The following EPCAM variants were observed in gnomAD, a reference collection of about 807,000 sequenced individuals.
EPCAM encodes the protein adenocarcinoma-associated antigen.
EPCAM carries 39 observed loss-of-function variants against 40.0 expected under a neutral mutation model. The ratio of observed to expected loss-of-function variants is 0.98; its 90% CI spans 0.76 to 1.27. EPCAM has a LOEUF of 1.27. Among genes scored for constraint, EPCAM ranks in the 50% most tolerant of loss-of-function variants. EPCAM has a pLI of 0.00. For missense variants in EPCAM, 503 were observed against 381.2 expected, an observed-to-expected ratio of 1.32 and a Z score of -2.66; for synonymous variants, 168 against 132.3, an observed-to-expected ratio of 1.27 and a Z score of -1.85.
Position 47,379,853 on chromosome 2 carries a change from T to G in EPCAM, c.742T>G (p.Leu248Val). ...ACTGGATCTGGATCCTGGTCAAACT[T>G]TAATTTATTATGTTGATGAAAAAGC... ...EQLDLDPGQTLIYYVDEKAPE... is the reference protein window; with the variant it reads ...EQLDLDPGQTVIYYVDEKAPE... Residue 248 changes from leucine (L) to valine (V), a missense_variant, in exon 7 of 9, where the codon TTA (leucine) becomes GTA (valine). Physicochemically the swap from Leu to Val is conservative, Grantham distance 32. Transcript: ENST00000263735. The G allele has an allele frequency of 6.2e-7, 1 of 1,614,122 alleles. No homozygotes were observed. Among genetic ancestry groups the G allele is most frequent in the Non-Finnish European group, 8.5e-7 (1 of 1,180,034 alleles).
intron 1 of EPCAM, among the ~76,000 whole-genome samples, chr2:47,370,102 C>T (rs776072306): frequency 6.6e-6 from 1 of 152,188 alleles, no homozygotes; most frequent in Non-Finnish European, 1.5e-5. Context: ...GCAGGCGGCC[C>T]GGACCACACA....
At chr2:47,374,992 T>G (rs942557504) in intron 3 of EPCAM, among the ~76,000 whole-genome samples, 17 of 152,180 alleles carry the variant, frequency 1.1e-4, no homozygotes, top group African/African-American at 4.1e-4. Flanking sequence ...CCAGCTAAAC[T>G]TTGACTTAAT....
chr2:47,372,848 T>G (rs17036547), intron 1 of EPCAM, among the ~76,000 whole-genome samples: 2,111 of 152,036 alleles, frequency 0.014, 51 homozygotes, highest in African/African-American at 0.048. Flanking sequence ...GAGCTAAGAC[T>G]GGGAGTTTCA....
chr2:47,371,788 C>G (rs17036541), intron 1 of EPCAM, among the ~76,000 whole-genome samples: 2,105 of 152,078 alleles, frequency 0.014, 49 homozygotes, highest in African/African-American at 0.048. Flanking sequence ...CTTTTGTGAC[C>G]CCAGTATTGA....
intron 1 of EPCAM, among the ~76,000 whole-genome samples, chr2:47,373,205 TAAAAAAAAAAAAA>T (rs777057814): frequency 2.1e-3 from 139 of 65,058 alleles, no homozygotes; most frequent in African/African-American, 5.9e-3. Context: ...ACCCTATCTT[TAAAAAAAAAAAAA>T]AAAAAAAAAA....
Position 47,369,445 on chromosome 2 carries a change from C to A in EPCAM, c.-61C>A, listed in dbSNP as rs2103737633. 2 of 1,354,998 alleles carry A rather than the reference C, an allele frequency of 1.5e-6. No individual in the cohort carries two copies. The highest frequency in any genetic ancestry group is 1.9e-6 in the Non-Finnish European group (2 of 1,047,656). 83.9% of individuals were successfully genotyped at this position (1,354,998 alleles called of 1,614,324 possible). On this transcript the variant is annotated 5_prime_UTR_variant, in exon 1 of 9. Coordinates refer to ENST00000263735, the MANE Select transcript of EPCAM (RefSeq NM_002354.3). ...CCGGCTCCTCGTGTCCCACTCCCGG[C>A]GCACGCCCTCCCGCGAGTCCCGGGC... is the stretch of plus-strand genomic sequence containing the variant.
rs796788892 is a variant in EPCAM, at chr2:47,376,020, T to C, written c.491+721T>C. 2.3e-4 allele frequency among the ~76,000 whole-genome samples: 35 copies of C among 152,170 alleles called. 1 individual carries two copies. Among genetic ancestry groups the C allele is most frequent in the African/African-American group, 8.2e-4 (34 of 41,534 alleles). Reference sequence around the variant, plus strand: ...CGCCCGGCCAGGAAATTTAACGTTATATCACGTTGTGCCCATTTTCCCAAT... The same window carrying C: ...CGCCCGGCCAGGAAATTTAACGTTACATCACGTTGTGCCCATTTTCCCAAT... On this transcript the variant is annotated intron_variant, in intron 4 of 8. Coordinates refer to ENST00000263735, the MANE Select transcript of EPCAM (RefSeq NM_002354.3).
intron 1 of EPCAM, among the ~76,000 whole-genome samples, chr2:47,371,293 G>A (rs946378018): frequency 2.0e-5 from 3 of 151,988 alleles, no homozygotes; most frequent in Non-Finnish European, 4.4e-5. Flanking sequence ...CAGTGTCTCC[G>A]TCTGTCGTTC....
chr2:47,384,379 CA>C (rs1671679590), intron 7 of EPCAM, among the ~76,000 whole-genome samples: 1 of 151,310 alleles, frequency 6.6e-6, no homozygotes, highest in African/African-American at 2.4e-5. Flanking sequence ...GGTAAGATTA[CA>C]GGCATGAGCC....
At chr2:47,386,228 C>T (rs1042320470) in intron 8 of EPCAM, among the ~76,000 whole-genome samples, 7 of 152,042 alleles carry the variant, frequency 4.6e-5, no homozygotes, top group Non-Finnish European at 8.8e-5. Flanking sequence ...ACTTGAGTTT[C>T]CCCACATGTA....
At chr2:47,381,121 G>T (rs1438810196) in intron 7 of EPCAM, among the ~76,000 whole-genome samples, 1 of 139,778 alleles carries the variant, frequency 7.2e-6, no homozygotes, top group Non-Finnish European at 1.5e-5. Context: ...AAAAGGCCAG[G>T]CACAGTGGCT....
intron 5 of EPCAM, 82 bp from the exon 6 acceptor site, chr2:47,378,871 A>G: frequency 1.3e-6 from 1 of 742,774 alleles, no homozygotes. Context: ...AACACTGAAT[A>G]TTCTGATTCT....
chr2:47,379,058 A>C lies in EPCAM; in HGVS notation c.657+4A>C. Reference sequence around the variant, plus strand: ...GGCTTATTATTTTGAAAAAGATGTGAGTATCATCTTCTTTATTCCTGTGTT... The same window carrying C: ...GGCTTATTATTTTGAAAAAGATGTGCGTATCATCTTCTTTATTCCTGTGTT... On this transcript the variant is annotated splice_donor_region_variant and intron_variant, in intron 6 of 8. Transcript: ENST00000263735. 1 of 1,435,352 alleles carries C rather than the reference A, an allele frequency of 7.0e-7. No homozygotes were observed. Among genetic ancestry groups the C allele is most frequent in the Non-Finnish European group, 9.8e-7 (1 of 1,017,088 alleles). The allele number at this position is 1,435,352 out of a possible 1,614,324, so 88.9% of individuals were successfully genotyped here.
chr2:47,380,434 T>C (rs1403873379), intron 7 of EPCAM, among the ~76,000 whole-genome samples: 1 of 152,256 alleles, frequency 6.6e-6, no homozygotes, highest in Non-Finnish European at 1.5e-5. Context: ...GTATCTCTGG[T>C]CTCTTTTTAC....
chr2:47,378,925 A>G, intron 5 of EPCAM, 28 bp from the exon 6 acceptor site: 1 of 933,352 alleles, frequency 1.1e-6, no homozygotes, highest in Non-Finnish European at 1.8e-6. Context: ...ATTAGTATTA[A>G]TTTGTATTAT....
At position 47,369,513 on chromosome 2, in the gene EPCAM, C is replaced by T. The variant is rs1368213809; in HGVS notation, c.8C>T (p.Pro3Leu). Residue 3 changes from proline to leucine, a missense_variant, in exon 1 of 9, where the codon CCC becomes CTC. By Grantham distance (98) the Pro-to-Leu change is moderately conservative. Transcript: ENST00000263735. MA[P>L]PQVLAFGLLL... is the part of the protein sequence containing the mutation. ...TCTCGGCGCGCGCGCAGCATGGCGC[C>T]CCCGCAGGTCCTCGCGTTCGGGCTT... 1 of 1,558,152 alleles carries T rather than the reference C, an allele frequency of 6.4e-7. No homozygotes were observed. The highest frequency in any genetic ancestry group is 8.6e-7 in the Non-Finnish European group (1 of 1,158,282).
rs191194897 is a variant in EPCAM at position 47,380,005 on chromosome 2, A to G, written c.858+36A>G. The G allele has an allele frequency of 2.1e-5, 33 of 1,573,756 alleles. No individual in the cohort carries two copies. In the East Asian group the frequency reaches 7.6e-4, roughly 36 times the overall value. ...AACAAGTAAAATTTCATTTAAGGGT[A>G]TATTTTTTCAAGAAAAAGTAATAGT... is the stretch of plus-strand genomic sequence containing the variant. On this transcript the variant is annotated intron_variant, in intron 7 of 8. Transcript: ENST00000263735.
rs768335421 is a variant in EPCAM, at chr2:47,373,499, G to A, written c.113G>A (p.Cys38Tyr). Reference sequence around the variant, plus strand: ...GAAAACTACAAGCTGGCCGTAAACTGCTTTGTGAATAATAATCGTCAATGC... The same window carrying A: ...GAAAACTACAAGCTGGCCGTAAACTACTTTGTGAATAATAATCGTCAATGC... Reference protein sequence around the residue: ...VCENYKLAVNCFVNNNRQCQC... With the variant: ...VCENYKLAVNYFVNNNRQCQC... Residue 38 changes from cysteine to tyrosine, a missense_variant, in exon 2 of 9, where the codon TGC becomes TAC. Physicochemically the swap from Cys to Tyr is radical, Grantham distance 194. Coordinates refer to ENST00000263735, the MANE Select transcript of EPCAM (RefSeq NM_002354.3). 2 of 1,613,384 alleles carry A rather than the reference G, an allele frequency of 1.2e-6. No individual in the cohort carries two copies. The highest frequency in any genetic ancestry group is 1.7e-6 in the Non-Finnish European group (2 of 1,179,704).
At chr2:47,383,273 T>G (rs911379687) in intron 7 of EPCAM, 1 of 144,288 alleles carries the variant, frequency 6.9e-6, no homozygotes, top group African/African-American at 2.6e-5. Context: ...ACCACTGCAC[T>G]CCAGCCTGGG....
Sources: gnomAD v4.1 joint callset for allele counts (sites outside exome capture counted in the v4.1 genomes callset) on GRCh38, gnomAD v4.1.1 for gene constraint, MANE v1.5 for transcripts, NCBI Gene and HGNC (gene_info 2026-07-23, HGNC 2026-07-21) for gene names.